The following PIK3CA variants were observed in gnomAD, a reference collection of about 807,000 sequenced individuals.
PIK3CA encodes the protein phosphatidylinositol-4,5-bisphosphate 3-kinase catalytic subunit alpha.
PIK3CA carries 27 observed loss-of-function variants against 138.2 expected under a neutral mutation model. The ratio of observed to expected loss-of-function variants is 0.20; its 90% CI spans 0.14 to 0.27. The LOEUF (loss-of-function observed/expected upper bound fraction) is 0.27. PIK3CA is among the 10% of genes least tolerant of loss of function. The pLI is 1.00. For synonymous variants in PIK3CA, 358 were observed against 413.2 expected, an observed-to-expected ratio of 0.87 and a Z score of 1.62; for missense variants, 544 against 1,277.4, an observed-to-expected ratio of 0.43 and a Z score of 8.75.
chr3:179,207,740 G>A (rs1371622911), intron 6 of PIK3CA, among the ~76,000 whole-genome samples: 5 of 152,096 alleles, frequency 3.3e-5, no homozygotes, highest in South Asian at 4.2e-4. Context: ...GACTGGCTTC[G>A]AACTCCTGAC....
At chr3:179,167,919 C>T (rs1433714332) in intron 1 of PIK3CA, among the ~76,000 whole-genome samples, 8 of 152,150 alleles carry the variant, frequency 5.3e-5, no homozygotes, top group African/African-American at 1.9e-4. Context: ...CGGTATTCAG[C>T]GTGCCATTAG....
chr3:179,187,354 G>A (rs187305043), intron 1 of PIK3CA, among the ~76,000 whole-genome samples: 1,862 of 151,534 alleles, frequency 0.012, 31 homozygotes, highest in Middle Eastern at 0.031. Context: ...TGGCTAACAC[G>A]GTGAAACCCC....
rs1475987837 is a variant in PIK3CA at position 179,199,831 on chromosome 3, A to C, written c.494A>C (p.Tyr165Ser). 6.2e-7 allele frequency: 1 copy of C among 1,612,736 alleles called. No homozygotes were observed. Among genetic ancestry groups the C allele is most frequent in the African/African-American group, 1.3e-5 (1 of 75,030 alleles). The change falls in exon 3 of 21, where the codon TAT (tyrosine) becomes TCT (serine). Residue 165 changes from tyrosine to serine, a missense_variant. Physicochemically the swap from Tyr to Ser is moderately radical, Grantham distance 144. Transcript: ENST00000263967. ...DLNSPHSRAM[Y>S]VYPPNVESSP... is the part of the protein sequence containing the mutation. The stretch of plus-strand genomic sequence containing the variant: ...AATTCACCTCATAGTAGAGCAATGT[A>C]TGTCTATCCTCCAAATGTAGAATCT...
Position 179,165,977 on chromosome 3 carries a change from C to T in PIK3CA, c.-77+17374C>T, listed in dbSNP as rs897199474. On this transcript the variant is annotated intron_variant, in intron 1 of 20. Coordinates refer to ENST00000263967, the MANE Select transcript of PIK3CA (RefSeq NM_006218.4). Reference sequence around the variant, plus strand: ...TTCTGTATTTCCATAGCCTCTATTACAACACACATATACTAAATTACACTT... The same window carrying T: ...TTCTGTATTTCCATAGCCTCTATTATAACACACATATACTAAATTACACTT... Among the ~76,000 whole-genome samples, 19 of 152,270 alleles carry T rather than the reference C, an allele frequency of 1.2e-4. 1 individual carries two copies. In the South Asian group the frequency reaches 1.7e-3, roughly 13 times the overall value.
chr3:179,163,479 C>T (rs1402259727), intron 1 of PIK3CA, among the ~76,000 whole-genome samples: 1 of 152,014 alleles, frequency 6.6e-6, no homozygotes, highest in Non-Finnish European at 1.5e-5. Context: ...GCAAGACTCC[C>T]TATCTTTAAA....
chr3:179,182,259 G>T (rs1723866314), intron 1 of PIK3CA, among the ~76,000 whole-genome samples: 1 of 152,162 alleles, frequency 6.6e-6, no homozygotes, highest in Admixed American at 6.5e-5. Flanking sequence ...GTTTTTGTCA[G>T]TTGATAAGCT....
At chr3:179,225,901 G>A (rs1198484053) in intron 16 of PIK3CA, 61 bp from the exon 17 acceptor site, 1 of 808,526 alleles carries the variant, frequency 1.2e-6, no homozygotes, top group Non-Finnish European at 2.2e-6. Flanking sequence ...CCATGTGATG[G>A]CGTGATCCCC....
intron 6 of PIK3CA, among the ~76,000 whole-genome samples, chr3:179,207,864 T>A (rs1383477570): frequency 1.2e-4 from 19 of 152,244 alleles, no homozygotes; most frequent in Non-Finnish European, 2.8e-4. Flanking sequence ...ATAATATTTT[T>A]CTCTATATGT....
In PIK3CA at chr3:179,226,523, C is replaced by T. The variant is rs570439866; in HGVS notation, c.2495+483C>T. Among the ~76,000 whole-genome samples the T allele has an allele frequency of 1.5e-3, 223 of 152,242 alleles. 1 individual carries two copies. Among genetic ancestry groups the T allele is most frequent in the Non-Finnish European group, 3.0e-3 (202 of 67,998 alleles). On this transcript the variant is annotated intron_variant, in intron 17 of 20. Transcript: ENST00000263967. ...TATCACCAAGTTTTCTGTCATGCTT[C>T]ATCTTCTCCTAGTCATTGTTGCTTC...
Position 179,229,299 on chromosome 3 carries a change from C to T in PIK3CA, c.2523C>T (p.Ile841=), listed in dbSNP as rs1285849390. Residue 841 remains isoleucine (I), a synonymous_variant, in exon 18 of 21, where the codon ATC becomes ATT. Coordinates refer to ENST00000263967, the MANE Select transcript of PIK3CA (RefSeq NM_006218.4). ...LRMLPYGCLS[I]GDCVGLIEVV... ...TGTTACCTTATGGTTGTCTGTCAAT[C>T]GGTGACTGTGTGGGACTTATTGAGG... 1.7e-5 allele frequency: 27 copies of T among 1,612,280 alleles called. No homozygotes were observed. Among genetic ancestry groups the T allele is most frequent in the Non-Finnish European group, 2.0e-5 (24 of 1,179,150 alleles).
intron 6 of PIK3CA, among the ~76,000 whole-genome samples, chr3:179,208,674 G>A (rs1481857332): frequency 2.0e-5 from 3 of 152,054 alleles, no homozygotes; most frequent in African/African-American, 4.8e-5. Flanking sequence ...AATTTCACAT[G>A]TAGCACCCAG....
Position 179,224,814 on chromosome 3 carries a change from T to C in PIK3CA, c.2409T>C (p.Asn803=), listed in dbSNP as rs1193928100. Residue 803 remains asparagine (N), a synonymous_variant, in exon 16 of 21, where the codon AAT becomes AAC. Transcript: ENST00000263967. ...LFQNNEIIFK[N]GDDLRQDMLT... ...AGAACAATGAGATCATCTTTAAAAA[T>C]GGGGATGGTAAGGAAGAGTATTAAT... The C allele has an allele frequency of 1.2e-6, 2 of 1,604,924 alleles. No homozygotes were observed. Among genetic ancestry groups the C allele is most frequent in the Non-Finnish European group, 8.5e-7 (1 of 1,172,694 alleles).
In PIK3CA at chr3:179,219,109, A is replaced by T; in HGVS notation, c.1665-87A>T. The T allele has an allele frequency of 1.4e-6, 1 of 735,454 alleles. No homozygotes were observed. The highest frequency in any genetic ancestry group is 1.9e-5 in the South Asian group (1 of 53,152). 45.6% of individuals were successfully genotyped at this position (735,454 alleles called of 1,614,324 possible). A position where few individuals can be genotyped will look rare whatever the true frequency, so the allele number is the denominator to read the frequency against. On this transcript the variant is annotated intron_variant, in intron 10 of 20. Transcript: ENST00000263967. This position sits in a 1 kb window ranked among gnomAD's most constrained non-coding sequence, Gnocchi z 4.2. ...TAATGTAAGAAGTTTGGGACTTCTT[A>T]AGAAGATTCATATGGAGAAGTTAGA...
At chr3:179,198,672 T>G (rs756284631) in intron 1 of PIK3CA, 78 bp from the exon 2 acceptor site, 15 of 461,714 alleles carry the variant, frequency 3.2e-5, no homozygotes, top group Non-Finnish European at 5.3e-5. Context: ...AAATGAGTTT[T>G]TACATTTTAG....
At chr3:179,167,625 T>A (rs966848744) in intron 1 of PIK3CA, among the ~76,000 whole-genome samples, 1 of 152,170 alleles carries the variant, frequency 6.6e-6, no homozygotes, top group Non-Finnish European at 1.5e-5. Context: ...ATTGTAATAG[T>A]TGAACCTAGT....
intron 9 of PIK3CA, among the ~76,000 whole-genome samples, chr3:179,216,399 T>A (rs1252162696): frequency 3.3e-5 from 5 of 151,918 alleles, no homozygotes; most frequent in Admixed American, 6.6e-5. Flanking sequence ...AATTTTTTTT[T>A]AAATTTTCTT....
intron 9 of PIK3CA, among the ~76,000 whole-genome samples, chr3:179,216,967 AT>A (rs1371265604): frequency 6.6e-6 from 1 of 152,106 alleles, no homozygotes; most frequent in Non-Finnish European, 1.5e-5. Flanking sequence ...TACAAATCAA[AT>A]CATGGTATTC....
rs1016176055 is a variant in PIK3CA, at chr3:179,237,993, G to C, written c.*3629G>C. ...TTAAAGATAATATGTGGTGTTAATAGATTGTGGTGCTTTTACTATTTAAAG... is the reference window on the plus strand; with the variant it reads ...TTAAAGATAATATGTGGTGTTAATACATTGTGGTGCTTTTACTATTTAAAG... On this transcript the variant is annotated 3_prime_UTR_variant, in exon 21 of 21. Coordinates refer to ENST00000263967, the MANE Select transcript of PIK3CA (RefSeq NM_006218.4). 1.9e-4 allele frequency: 41 copies of C among 218,434 alleles called. No homozygotes were observed. Among genetic ancestry groups the C allele is most frequent in the African/African-American group, 9.0e-4 (40 of 44,490 alleles). 13.5% of individuals were successfully genotyped at this position (218,434 alleles called of 1,614,324 possible). A position where few individuals can be genotyped will look rare whatever the true frequency, so the allele number is the denominator to read the frequency against.
chr3:179,194,514 C>T (rs1354839003), intron 1 of PIK3CA, among the ~76,000 whole-genome samples: 1 of 152,174 alleles, frequency 6.6e-6, no homozygotes, highest in Non-Finnish European at 1.5e-5. Flanking sequence ...CCACAACCCC[C>T]AGCCCAGAGT....
Sources: allele counts gnomAD v4.1 joint callset (sites outside exome capture counted in the v4.1 genomes callset), GRCh38; gene constraint gnomAD v4.1.1; non-coding constraint Gnocchi (gnomAD v3.1); transcripts MANE v1.5; gene names NCBI Gene and HGNC (gene_info 2026-07-23, HGNC 2026-07-21).